LUZP2: variants seen among roughly 807,000 people sequenced by gnomAD.
LUZP2 encodes leucine zipper protein 2.
LUZP2 carries 52 observed loss-of-function variants against 51.6 expected under a neutral mutation model. The observed-to-expected ratio is 1.01, with a 90% CI of 0.81 to 1.27. The LOEUF is 1.27. Among genes scored for constraint, LUZP2 ranks in the 50% most tolerant of loss-of-function variants. The pLI is 0.00. For missense variants in LUZP2, 436 were observed against 395.4 expected, an observed-to-expected ratio of 1.10 and a Z score of -0.87; for synonymous variants, 154 against 137.3, an observed-to-expected ratio of 1.12 and a Z score of -0.85.
intron 10 of LUZP2, among the ~76,000 whole-genome samples, chr11:25,053,998 T>C (rs185173732): frequency 1.3e-5 from 2 of 152,276 alleles, no homozygotes; most frequent in Non-Finnish European, 2.9e-5. Context: ...ACTAAGCCTC[T>C]TGGAGTTTTT....
At chr11:24,894,936 G>T (rs1289244885) in intron 5 of LUZP2, among the ~76,000 whole-genome samples, 1 of 152,098 alleles carries the variant, frequency 6.6e-6, no homozygotes, top group Non-Finnish European at 1.5e-5. Context: ...ATGAGGAGGA[G>T]AAAACACAAA....
At chr11:24,729,026 T>C (rs72884424) in intron 1 of LUZP2, 143 bp from the exon 2 acceptor site, 17 of 463,718 alleles carry the variant, frequency 3.7e-5, no homozygotes, top group East Asian at 1.6e-4. Context: ...TCCCCTTTTA[T>C]ATGAAATCAT....
At chr11:24,773,592 CTTA>C (rs138314700) in intron 5 of LUZP2, among the ~76,000 whole-genome samples, 12,190 of 152,118 alleles carry the variant, frequency 0.08, 1,055 homozygotes, top group African/African-American at 0.22. Context: ...TGTTGGGAGA[CTTA>C]TTATGGGAAT....
In LUZP2 at chr11:24,582,373, A is replaced by G. The variant is rs183257887; in HGVS notation, c.62+85068A>G. On this transcript the variant is annotated intron_variant, in intron 1 of 11. Transcript: ENST00000336930. ...TTAATAGAAATAAATAGAGAGATGA[A>G]TAGAAATAAATAGAGAGATGAATAG... Among the ~76,000 whole-genome samples the G allele has an allele frequency of 9.9e-3, 1,461 of 147,192 alleles. 11 individuals carry two copies. Among genetic ancestry groups the G allele is most frequent in the Admixed American group, 0.014 (209 of 14,464 alleles).
At chr11:25,076,651 AAGGGAGGGAGGGAAGG>A (rs578045593) in intron 10 of LUZP2, among the ~76,000 whole-genome samples, 4 of 128,336 alleles carry the variant, frequency 3.1e-5, no homozygotes, top group African/African-American at 9.2e-5. Flanking sequence ...AGAGGGAAGG[AAGGGAGGGAGGGAAGG>A]AGGGAGGGAG....
intron 1 of LUZP2, among the ~76,000 whole-genome samples, chr11:24,629,643 C>G (rs1036654487): frequency 6.7e-6 from 1 of 150,340 alleles, no homozygotes; most frequent in Non-Finnish European, 1.5e-5. Context: ...GTGAAGAGTG[C>G]CACAATAAAC....
chr11:24,566,816 CTT>C (rs1342970532), intron 1 of LUZP2, among the ~76,000 whole-genome samples: 18 of 138,040 alleles, frequency 1.3e-4, no homozygotes, highest in East Asian at 4.0e-4. Flanking sequence ...TTATATATAA[CTT>C]ATATATACAT....
chr11:24,529,072 C>T (rs920293772), intron 1 of LUZP2, among the ~76,000 whole-genome samples: 5 of 150,930 alleles, frequency 3.3e-5, no homozygotes, highest in African/African-American at 7.3e-5. Flanking sequence ...ACTTGCTGTC[C>T]TTTAATAATA....
chr11:25,038,253 C>G (rs891772529), intron 9 of LUZP2, among the ~76,000 whole-genome samples: 1 of 151,874 alleles, frequency 6.6e-6, no homozygotes, highest in South Asian at 2.1e-4. Flanking sequence ...TTTGAAGAAC[C>G]ATTAGTAGAG....
intron 1 of LUZP2, 81 bp from the exon 2 acceptor site, chr11:24,729,088 G>A: frequency 1.7e-6 from 1 of 587,244 alleles, no homozygotes; most frequent in South Asian, 5.0e-5. Flanking sequence ...AGATTTCACT[G>A]AAACTGTGAG....
intron 6 of LUZP2, among the ~76,000 whole-genome samples, chr11:24,906,614 T>C (rs991917708): frequency 6.6e-6 from 1 of 152,184 alleles, no homozygotes; most frequent in African/African-American, 2.4e-5. Context: ...TCTATTCTTA[T>C]GACTCTGTAA....
At chr11:24,828,610 AT>A (rs200156560) in intron 5 of LUZP2, among the ~76,000 whole-genome samples, 5 of 150,634 alleles carry the variant, frequency 3.3e-5, no homozygotes, top group Admixed American at 2.7e-4. Context: ...TGTTCAGTGG[AT>A]TTTTTTTAAA....
chr11:24,841,493 G>T (rs1407130730), intron 5 of LUZP2, among the ~76,000 whole-genome samples: 2 of 151,954 alleles, frequency 1.3e-5, no homozygotes, highest in Non-Finnish European at 2.9e-5. Flanking sequence ...ATTCAAAAAA[G>T]GTAAAGTGGT....
intron 9 of LUZP2, among the ~76,000 whole-genome samples, chr11:24,997,668 G>A (rs1290931063): frequency 6.6e-6 from 1 of 151,630 alleles, no homozygotes; most frequent in Admixed American, 6.6e-5. Context: ...CATTGCTTTT[G>A]GTGTTTTAGA....
intron 1 of LUZP2, among the ~76,000 whole-genome samples, chr11:24,637,472 A>T (rs1855143824): frequency 6.6e-6 from 1 of 151,848 alleles, no homozygotes; most frequent in Non-Finnish European, 1.5e-5. Context: ...AAAGATAACC[A>T]TAAGATCTGA....
intron 4 of LUZP2, among the ~76,000 whole-genome samples, chr11:24,753,472 A>G (rs895597363): frequency 6.6e-6 from 1 of 152,128 alleles, no homozygotes; most frequent in Non-Finnish European, 1.5e-5. Flanking sequence ...CCACAAACAG[A>G]AAGGCAGGGA....
chr11:24,561,464 C>G (rs1411344072), intron 1 of LUZP2, among the ~76,000 whole-genome samples: 1 of 152,006 alleles, frequency 6.6e-6, no homozygotes, highest in African/African-American at 2.4e-5. Context: ...AGAATTCAAA[C>G]TCTGCTCCTT....
intron 1 of LUZP2, among the ~76,000 whole-genome samples, chr11:24,567,121 G>A (rs1343914887): frequency 2.7e-5 from 4 of 150,568 alleles, no homozygotes; most frequent in East Asian, 2.0e-4. Flanking sequence ...GATAACAGGC[G>A]TGAGCCACTA....
At chr11:24,553,448 A>G (rs1347957888) in intron 1 of LUZP2, among the ~76,000 whole-genome samples, 4 of 152,130 alleles carry the variant, frequency 2.6e-5, no homozygotes. Context: ...AATTATGAGT[A>G]TTTGACAGCT....
Sources: allele counts gnomAD v4.1 joint callset (sites outside exome capture counted in the v4.1 genomes callset), GRCh38; gene constraint gnomAD v4.1.1; transcripts MANE v1.5; gene names NCBI Gene and HGNC (gene_info 2026-07-23, HGNC 2026-07-21).